FANCD2: variants seen among roughly 807,000 people sequenced by gnomAD.
The protein encoded by FANCD2 is FA complementation group D2.
FANCD2 carries 131 observed loss-of-function variants against 192.3 expected under a neutral mutation model. That is an observed-to-expected ratio of 0.68 (90% CI 0.59 to 0.79). FANCD2 has a LOEUF of 0.79. Ranked by LOEUF, FANCD2 falls within the 30% of genes least tolerant of loss-of-function variation. FANCD2 has a pLI of 0.00. For missense variants in FANCD2, 1,508 were observed against 1,701.6 expected (o/e 0.89, Z 2.00); for synonymous variants, 524 against 612.5 (o/e 0.86, Z 2.13).
rs2125012053 is a variant in FANCD2, at chr3:10,052,485, C to T, written c.1644C>T (p.Ser548=). ...TLAFSKQNEA[S]SHIQDDMHLV... ...CATTTAGCAAACAGAATGAAGCCAGCAGCCACATCCAGGTAAGAGGCAATA... is the reference window on the plus strand; with the variant it reads ...CATTTAGCAAACAGAATGAAGCCAGTAGCCACATCCAGGTAAGAGGCAATA... Residue 548 remains serine, a synonymous_variant, in exon 18 of 44, where the codon AGC becomes AGT. Coordinates refer to ENST00000675286, the MANE Select transcript of FANCD2 (RefSeq NM_001018115.3). The T allele has an allele frequency of 1.2e-6, 2 of 1,609,132 alleles. No individual in the cohort carries two copies. The highest frequency in any genetic ancestry group is 1.1e-5 in the South Asian group (1 of 90,932).
rs532009274 is a variant in FANCD2, at chr3:10,096,261, C to T, written c.4039-65C>T. On this transcript the variant is annotated intron_variant, in intron 41 of 43. Coordinates refer to ENST00000675286, the MANE Select transcript of FANCD2 (RefSeq NM_001018115.3). ...GTTCTTATTCAACATTCAAAGGTTT[C>T]TATAAGAAATGTGAAGGCATGATGA... 1,234 of 1,536,398 alleles carry T rather than the reference C, an allele frequency of 8.0e-4. 1 individual carries two copies. Among genetic ancestry groups the T allele is most frequent in the Non-Finnish European group, 1.0e-3 (1,161 of 1,113,774 alleles).
intron 6 of FANCD2, among the ~76,000 whole-genome samples, chr3:10,035,697 A>G (rs993560812): frequency 2.6e-5 from 4 of 151,876 alleles, no homozygotes; most frequent in Admixed American, 1.3e-4. Flanking sequence ...CCCATTCTCC[A>G]TTTTTCCTCT....
chr3:10,039,314 T>C lies in FANCD2; in HGVS notation c.527T>C (p.Ile176Thr), dbSNP rs925571853. The change falls in exon 8 of 44, where the codon ATT (isoleucine) becomes ACT (threonine). Residue 176 changes from isoleucine to threonine, a missense_variant. By Grantham distance (89) the Ile-to-Thr change is moderately conservative. Transcript: ENST00000675286. ...NSDEINIPRL[I>T]VSQLKWLDRV... The stretch of plus-strand genomic sequence containing the variant: ...GATGAAATCAACATACCTCGACTCA[T>C]TGTCAGTCAACTAAAATGGCTTGAC... The C allele has an allele frequency of 3.1e-6, 5 of 1,613,964 alleles. No homozygotes were observed. The highest frequency in any genetic ancestry group is 1.1e-5 in the South Asian group (1 of 91,058).
In FANCD2 at chr3:10,047,935, TCATC is replaced by T. The variant is rs2087072552; in HGVS notation, c.1301_1304del (p.Ser434PhefsTer12). Reference sequence around the variant, plus strand: ...ACTCAAGGTTCTTAAGGATATGTGTTCATCCATTCTGTCGCTGGCTCAGAGTTTG... The same window carrying T: ...ACTCAAGGTTCTTAAGGATATGTGTTCATTCTGTCGCTGGCTCAGAGTTTG... On this transcript the variant is annotated frameshift_variant, in exon 16 of 44. Coordinates refer to ENST00000675286, the MANE Select transcript of FANCD2 (RefSeq NM_001018115.3). LOFTEE classifies it high-confidence loss of function. The T allele has an allele frequency of 6.2e-7, 1 of 1,612,960 alleles. No homozygotes were observed. Among genetic ancestry groups the T allele is most frequent in the Admixed American group, 1.7e-5 (1 of 60,014 alleles).
chr3:10,034,217 G>T (rs1198675650), intron 3 of FANCD2, among the ~76,000 whole-genome samples: 2 of 92,494 alleles, frequency 2.2e-5, no homozygotes, highest in Non-Finnish European at 4.2e-5. Context: ...CCAGCTACTT[G>T]GGGGGGCTGA....
chr3:10,032,856 A>G lies in FANCD2; in HGVS notation c.89A>G (p.Lys30Arg), dbSNP rs1470379901. The change falls in exon 3 of 44, where the codon AAA (lysine) becomes AGA (arginine). Residue 30 changes from lysine (K) to arginine (R), a missense_variant. Lys to Arg is a conservative substitution (Grantham distance 26). Transcript: ENST00000675286. ...GAAACCAGGAAGCAACCACTTTCCA[A>G]AAAGACAAAGAAATCTCATATTGCT... The part of the protein sequence containing the change: ...ASKTRKQPLS[K>R]KTKKSHIANE... The G allele has an allele frequency of 6.2e-7, 1 of 1,613,340 alleles. No homozygotes were observed. Among genetic ancestry groups the G allele is most frequent in the Admixed American group, 1.7e-5 (1 of 59,996 alleles).
intron 9 of FANCD2, chr3:10,040,477 G>A (rs1359779395): frequency 2.2e-6 from 1 of 456,382 alleles, no homozygotes; most frequent in Non-Finnish European, 4.4e-6. Context: ...CCTTAACCCT[G>A]GCTGCACATT....
At chr3:10,065,517 C>A in intron 24 of FANCD2, 23 bp downstream of exon 24, 1 of 1,457,222 alleles carries the variant, frequency 6.9e-7, no homozygotes, top group African/African-American at 1.4e-5. Context: ...GTCATCAGAT[C>A]CTTTCTTCTT....
At chr3:10,051,682 A>G (rs2087223698) in intron 17 of FANCD2, among the ~76,000 whole-genome samples, 1 of 152,170 alleles carries the variant, frequency 6.6e-6, no homozygotes, top group Non-Finnish European at 1.5e-5. Flanking sequence ...GAGGTTTGAG[A>G]TTGCTTGTAG....
chr3:10,027,685 TATG>T (rs2086486957), intron 1 of FANCD2, among the ~76,000 whole-genome samples: 2 of 145,004 alleles, frequency 1.4e-5, no homozygotes, highest in African/African-American at 5.2e-5. Context: ...GCGGGCGGAT[TATG>T]AGGTTATGAG....
rs11716842 is a variant in FANCD2 at position 10,099,500 on chromosome 3, C to T, written c.4281+685C>T. 77,459 of 235,388 alleles carry T rather than the reference C, an allele frequency of 0.33. 15,197 individuals are homozygous for T. The highest frequency in any genetic ancestry group is 0.45 in the Middle Eastern group (246 of 548). The allele number at this position is 235,388 out of a possible 1,614,324, so 14.6% of individuals were successfully genotyped here. A position where few individuals can be genotyped will look rare whatever the true frequency, so the allele number is the denominator to read the frequency against. ...TAAACCTGGGTGCGGTGGCTCACAC[C>T]TGTAATCCCAGCACTTTGGGAGGCC... On this transcript the variant is annotated intron_variant, in intron 43 of 43. Coordinates refer to ENST00000675286, the MANE Select transcript of FANCD2 (RefSeq NM_001018115.3).
At chr3:10,074,904 C>T (rs1454928039) in intron 29 of FANCD2, among the ~76,000 whole-genome samples, 4 of 150,032 alleles carry the variant, frequency 2.7e-5, no homozygotes, top group Admixed American at 1.3e-4. Flanking sequence ...TGATGTAATC[C>T]TTACATTTAG....
intron 26 of FANCD2, among the ~76,000 whole-genome samples, chr3:10,071,805 G>A (rs1485512847): frequency 6.6e-6 from 1 of 152,184 alleles, no homozygotes; most frequent in African/African-American, 2.4e-5. Context: ...TGTCACCCAG[G>A]CTGGAGTGCA....
intron 26 of FANCD2, among the ~76,000 whole-genome samples, chr3:10,071,842 C>G (rs1397062823): frequency 2.0e-5 from 3 of 152,184 alleles, no homozygotes; most frequent in Non-Finnish European, 2.9e-5. Context: ...TTACTGCGAC[C>G]TCTGCCTCCT....
At chr3:10,069,660 C>T (rs538688739) in intron 26 of FANCD2, among the ~76,000 whole-genome samples, 4 of 152,182 alleles carry the variant, frequency 2.6e-5, no homozygotes, top group East Asian at 3.9e-4. Context: ...GACGGGGTTT[C>T]GCTGTGTTGG....
intron 24 of FANCD2, 132 bp from the exon 25 acceptor site, chr3:10,065,732 T>C: frequency 1.4e-6 from 1 of 727,418 alleles, no homozygotes; most frequent in Non-Finnish European, 2.5e-6. Context: ...ATGCAAATAT[T>C]TTAATCAGAT....
intron 17 of FANCD2, among the ~76,000 whole-genome samples, chr3:10,051,336 C>T (rs1425645805): frequency 1.4e-5 from 2 of 141,544 alleles, no homozygotes; most frequent in East Asian, 2.1e-4. Context: ...AGCCGAGATC[C>T]CGCCACTGCA....
At chr3:10,029,868 C>T (rs2086547849) in intron 2 of FANCD2, among the ~76,000 whole-genome samples, 1 of 152,152 alleles carries the variant, frequency 6.6e-6, no homozygotes, top group African/African-American at 2.4e-5. Flanking sequence ...ACTGCAACCT[C>T]CACCTCCCAG....
At chr3:10,093,163 G>T (rs1345648868) in intron 38 of FANCD2, 122 bp from the exon 39 acceptor site, 1 of 741,322 alleles carries the variant, frequency 1.3e-6, no homozygotes, top group Non-Finnish European at 2.5e-6. Context: ...TTTAAATGTT[G>T]ACATTCCTCC....
Sources: gnomAD v4.1 joint callset for allele counts (sites outside exome capture counted in the v4.1 genomes callset) on GRCh38, gnomAD v4.1.1 for gene constraint, MANE v1.5 for transcripts, NCBI Gene and HGNC (gene_info 2026-07-23, HGNC 2026-07-21) for gene names.